Variants in LMAN1L observed in about 807,000 individuals in gnomAD.
The protein encoded by LMAN1L is protein ERGIC-53-like.
In LMAN1L, 60 loss-of-function variants were observed where a neutral mutation model predicts 58.3. That is an observed-to-expected ratio of 1.03 (90% CI 0.84 to 1.27). LMAN1L has a LOEUF of 1.27. Among genes scored for constraint, LMAN1L ranks in the 50% most tolerant of loss-of-function variants. The probability of loss-of-function intolerance (pLI) is 0.00; values close to 1 mark genes in which losing one functional copy is unlikely to be tolerated. For missense variants in LMAN1L, 629 were observed against 674.0 expected (o/e 0.93, Z 0.74); for synonymous variants, 280 against 271.6 (o/e 1.03, Z -0.31).
chr15:74,820,801 T>G, intron 8 of LMAN1L, 34 bp downstream of exon 8: 1 of 1,591,512 alleles, frequency 6.3e-7, no homozygotes, highest in Non-Finnish European at 8.6e-7. Flanking sequence ...GTGGCGCCCA[T>G]CTGAGTGTCA....
In LMAN1L at chr15:74,818,701, G is replaced by GA. The variant is rs2063903299; in HGVS notation, c.498-15dup. On this transcript the variant is annotated splice_polypyrimidine_tract_variant and intron_variant, in intron 4 of 13. Transcript: ENST00000309664. ...GACTCTTTCTCAAAAACAAACAAAT[G>GA]AACAAACTGCCCACAGGGATGGAGC... 6.3e-7 allele frequency: 1 copy of GA among 1,585,890 alleles called. No individual in the cohort carries two copies. The highest frequency in any genetic ancestry group is 8.6e-7 in the Non-Finnish European group (1 of 1,164,352).
chr15:74,812,867 A>C lies in LMAN1L; in HGVS notation c.13A>C (p.Ser5Arg). 3 of 1,599,742 alleles carry C rather than the reference A, an allele frequency of 1.9e-6. No individual in the cohort carries two copies. Among genetic ancestry groups the C allele is most frequent in the Non-Finnish European group, 2.6e-6 (3 of 1,172,038 alleles). MPAV[S>R]GPGPLFCLLL... Reference sequence around the variant, plus strand: ...AGGCGCCTTCACGATGCCGGCGGTCAGTGGTCCAGGTCCCTTATTCTGCCT... The same window carrying C: ...AGGCGCCTTCACGATGCCGGCGGTCCGTGGTCCAGGTCCCTTATTCTGCCT... Residue 5 changes from serine to arginine, a missense_variant, in exon 1 of 14, where the codon AGT becomes CGT. Physicochemically the swap from Ser to Arg is moderately radical, Grantham distance 110. Coordinates refer to ENST00000309664, the MANE Select transcript of LMAN1L (RefSeq NM_021819.3).
rs753493192 is a variant in LMAN1L at position 74,820,779 on chromosome 15, G to A, written c.907+12G>A. 6.2e-7 allele frequency: 1 copy of A among 1,606,524 alleles called. No homozygotes were observed. The highest frequency in any genetic ancestry group is 8.5e-7 in the Non-Finnish European group (1 of 1,175,922). ...AGCTCAAGGAGAAGGTAGGGACCGAGAGAGCGGGCAGGTGGCGCCCATCTG... is the reference window on the plus strand; with the variant it reads ...AGCTCAAGGAGAAGGTAGGGACCGAAAGAGCGGGCAGGTGGCGCCCATCTG... On this transcript the variant is annotated intron_variant, in intron 8 of 13. Transcript: ENST00000309664.
At chr15:74,816,110 A>T in intron 1 of LMAN1L, 47 bp from the exon 2 acceptor site, 1 of 1,520,840 alleles carries the variant, frequency 6.6e-7, no homozygotes, top group Non-Finnish European at 8.8e-7. Flanking sequence ...GTGAAGGGGG[A>T]GATGGGGTGT....
At chr15:74,821,331 G>C in intron 9 of LMAN1L, 105 bp downstream of exon 9, 8 of 1,340,678 alleles carry the variant, frequency 6.0e-6, no homozygotes, top group Non-Finnish European at 7.1e-6. Flanking sequence ...GGAAAGGAAG[G>C]CAGGGATGAA....
chr15:74,823,967 G>T (rs1474494097), intron 12 of LMAN1L: 1 of 516,080 alleles, frequency 1.9e-6, no homozygotes, highest in Non-Finnish European at 3.5e-6. Context: ...TGACCAGAGG[G>T]GAAACAGGGT....
At chr15:74,813,390 C>A (rs1217540852) in intron 1 of LMAN1L, 1 of 469,006 alleles carries the variant, frequency 2.1e-6, no homozygotes, top group South Asian at 1.5e-5. Flanking sequence ...TGGACCAGCA[C>A]AAACCTCCAC....
In LMAN1L at chr15:74,813,049, A is replaced by G; in HGVS notation, c.175+20A>G. On this transcript the variant is annotated intron_variant, in intron 1 of 13. Coordinates refer to ENST00000309664, the MANE Select transcript of LMAN1L (RefSeq NM_021819.3). ...ATGGAGGTGAGGGGCAGGGGTGGGGACCAGCTATGCCCAGGGTCCCTCAAA... is the reference window on the plus strand; with the variant it reads ...ATGGAGGTGAGGGGCAGGGGTGGGGGCCAGCTATGCCCAGGGTCCCTCAAA... 3 of 1,602,224 alleles carry G rather than the reference A, an allele frequency of 1.9e-6. No individual in the cohort carries two copies. Among genetic ancestry groups the G allele is most frequent in the Non-Finnish European group, 2.6e-6 (3 of 1,173,320 alleles).
In LMAN1L at chr15:74,816,430, G is replaced by GT. The variant is rs1567223502; in HGVS notation, c.335dup (p.Trp113ValfsTer27). 1 of 1,560,290 alleles carries GT rather than the reference G, an allele frequency of 6.4e-7. No homozygotes were observed. Among genetic ancestry groups the GT allele is most frequent in the South Asian group, 1.2e-5 (1 of 82,732 alleles). On this transcript the variant is annotated frameshift_variant, in exon 3 of 14. Coordinates refer to ENST00000309664, the MANE Select transcript of LMAN1L (RefSeq NM_021819.3). LOFTEE classifies it high-confidence loss of function. ...CTGAGGGGCTGGGGACCTGCAGGCC[G>GT]TGTGGTACACCCGGGGCAGGGGCCA... is the stretch of plus-strand genomic sequence containing the variant.
In LMAN1L at chr15:74,818,811, G is replaced by A. The variant is rs74025850; in HGVS notation, c.591G>A (p.Arg197=). ...CACGGATCACCTACTGGGGGCAGAGGCTGCGCGTGAGTCACCCTTCCTGCT... is the reference window on the plus strand; with the variant it reads ...CACGGATCACCTACTGGGGGCAGAGACTGCGCGTGAGTCACCCTTCCTGCT... ...FRARITYWGQ[R]LRMSLNSGLT... is the part of the protein sequence containing the mutation. The change falls in exon 5 of 14, where the codon AGG becomes AGA. Residue 197 remains arginine (R), a synonymous_variant. Coordinates refer to ENST00000309664, the MANE Select transcript of LMAN1L (RefSeq NM_021819.3). 6,996 of 1,607,876 alleles carry A rather than the reference G, an allele frequency of 4.4e-3. 263 individuals are homozygous for A. In the African/African-American group the frequency reaches 0.083, roughly 19 times the overall value.
rs372355808 is a variant in LMAN1L, at chr15:74,822,604, A to G, written c.1132-38A>G. 4 of 1,568,034 alleles carry G rather than the reference A, an allele frequency of 2.6e-6. No individual in the cohort carries two copies. The African/African-American group carries it at 4.1e-5, about 16-fold the overall frequency. ...GGTGGGCTCTGAGAAGAGAGGGGCTATGTCCTGGGCCCTAGACAAGAGGCT... is the reference window on the plus strand; with the variant it reads ...GGTGGGCTCTGAGAAGAGAGGGGCTGTGTCCTGGGCCCTAGACAAGAGGCT... On this transcript the variant is annotated intron_variant, in intron 10 of 13. Coordinates refer to ENST00000309664, the MANE Select transcript of LMAN1L (RefSeq NM_021819.3).
At position 74,825,509 on chromosome 15, in the gene LMAN1L, G is replaced by A. The variant is rs763489300; in HGVS notation, c.1485G>A (p.Leu495=). 1.2e-6 allele frequency: 2 copies of A among 1,613,688 alleles called. No homozygotes were observed. The highest frequency in any genetic ancestry group is 1.7e-6 in the Non-Finnish European group (2 of 1,179,710). The part of the protein sequence containing the change: ...QELNKSLQEC[L]STGSLPLGPA... ...TGAACAAGAGCCTTCAGGAGTGTCT[G>A]TCCACAGGCAGCCTTCCTCTGGGTC... is the stretch of plus-strand genomic sequence containing the variant. Residue 495 remains leucine (L), a synonymous_variant, in exon 14 of 14, where the codon CTG becomes CTA. Coordinates refer to ENST00000309664, the MANE Select transcript of LMAN1L (RefSeq NM_021819.3).
Position 74,821,116 on chromosome 15 carries a change from C to T in LMAN1L, c.949C>T (p.Arg317Cys), listed in dbSNP as rs1165704643. 8.3e-6 allele frequency: 13 copies of T among 1,569,912 alleles called. No homozygotes were observed. Among genetic ancestry groups the T allele is most frequent in the African/African-American group, 5.4e-5 (4 of 74,252 alleles). Residue 317 changes from arginine to cysteine, a missense_variant, in exon 9 of 14, where the codon CGC (arginine) becomes TGC (cysteine). Arg to Cys is a radical substitution (Grantham distance 180, BLOSUM62 -3). Around this residue, in one of 3 missense-constraint regions of LMAN1L, gnomAD observed 573 missense variants for 597.3 expected, o/e 0.96. Transcript: ENST00000309664. ...FDLEETLGRH[R>C]RILQALRGLS... ...CCTGGAGGAGACGCTGGGCAGACAC[C>T]GCCGGATCCTGCAGGCTCTGCGGGG...
At chr15:74,813,228 A>G in intron 1 of LMAN1L, 199 bp downstream of exon 1, 1 of 668,524 alleles carries the variant, frequency 1.5e-6, no homozygotes, top group Non-Finnish European at 2.7e-6. Context: ...CCCCTGCCCA[A>G]GCTGTTTCTC....
At chr15:74,824,305 T>G (rs780851119) in intron 12 of LMAN1L, 46 bp from the exon 13 acceptor site, 1 of 1,593,404 alleles carries the variant, frequency 6.3e-7, no homozygotes, top group Non-Finnish European at 8.6e-7. Context: ...CCCCCACTCC[T>G]TCTGGGTAAG....
At chr15:74,822,751 C>A (rs554582263) in intron 11 of LMAN1L, 42 bp downstream of exon 11, 3 of 1,446,776 alleles carry the variant, frequency 2.1e-6, no homozygotes, top group African/African-American at 2.8e-5. Context: ...CTTGTTTCTC[C>A]GCCTTAAGTT....
chr15:74,820,540 G>T, intron 7 of LMAN1L, 95 bp from the exon 8 acceptor site: 1 of 1,529,696 alleles, frequency 6.5e-7, no homozygotes. Context: ...GGCCAGGGAG[G>T]AAGGCTGGGC....
chr15:74,823,148 C>T (rs2063924680), intron 11 of LMAN1L, among the ~76,000 whole-genome samples: 1 of 152,168 alleles, frequency 6.6e-6, no homozygotes. Context: ...GCCTCTGGAG[C>T]CCTGGGGGTT....
chr15:74,824,701 C>T (rs1304521695), intron 13 of LMAN1L: 2 of 525,212 alleles, frequency 3.8e-6, no homozygotes, highest in Non-Finnish European at 6.8e-6. Flanking sequence ...ACGGAGCTCA[C>T]TCACACAGGT....
Sources: allele counts gnomAD v4.1 joint callset (sites outside exome capture counted in the v4.1 genomes callset), GRCh38; gene constraint gnomAD v4.1.1; regional missense constraint gnomAD v4.1.1; transcripts MANE v1.5; gene names NCBI Gene and HGNC (gene_info 2026-07-23, HGNC 2026-07-21).